Variants in IP6K1 observed in about 807,000 individuals in gnomAD.
IP6K1 encodes ATP:1D-myo-inositol-hexakisphosphate phosphotransferase.
In IP6K1, 13 loss-of-function variants were observed where a neutral mutation model predicts 38.3. The observed-to-expected ratio is 0.34, with a 90% CI of 0.22 to 0.54. IP6K1 has a LOEUF of 0.54. IP6K1 is among the 20% of genes least tolerant of loss of function. IP6K1 has a pLI of 0.92. For missense variants in IP6K1, 397 were observed against 599.8 expected, an observed-to-expected ratio of 0.66 and a Z score of 3.53; for synonymous variants, 212 against 229.9, an observed-to-expected ratio of 0.92 and a Z score of 0.70.
chr3:49,742,885 T>C (rs963173092), intron 2 of IP6K1, among the ~76,000 whole-genome samples: 1 of 151,928 alleles, frequency 6.6e-6, no homozygotes, highest in East Asian at 1.9e-4. Flanking sequence ...AGTGAGACCC[T>C]GTCTCAAAAT....
At chr3:49,764,839 T>C (rs2080897090) in intron 1 of IP6K1, among the ~76,000 whole-genome samples, 1 of 150,016 alleles carries the variant, frequency 6.7e-6, no homozygotes, top group African/African-American at 2.5e-5. Context: ...CCTGCACCAC[T>C]GCACTATAGC....
chr3:49,780,306 T>TCACACACACACACACACACA (rs1405695613), intron 1 of IP6K1, among the ~76,000 whole-genome samples: 110 of 10,854 alleles, frequency 0.01, 1 homozygote, highest in African/African-American at 0.023. Flanking sequence ...TTATCATCTT[T>TCACACACACACACACACACA]CATACACACA....
intron 1 of IP6K1, among the ~76,000 whole-genome samples, chr3:49,778,323 C>T (rs113404331): frequency 7.2e-6 from 1 of 137,962 alleles, no homozygotes; most frequent in Non-Finnish European, 1.5e-5. Flanking sequence ...GAGACTCGGT[C>T]TCAAAAAAAA....
chr3:49,780,901 CCT>C (rs920295910), intron 1 of IP6K1, among the ~76,000 whole-genome samples: 7 of 152,092 alleles, frequency 4.6e-5, no homozygotes, highest in Admixed American at 3.9e-4. Flanking sequence ...CTTCTATTTC[CCT>C]GTTTAATTAC....
chr3:49,735,984 T>A (rs774725263), intron 3 of IP6K1, among the ~76,000 whole-genome samples: 1 of 152,170 alleles, frequency 6.6e-6, no homozygotes, highest in Non-Finnish European at 1.5e-5. Flanking sequence ...TGGTGTAATC[T>A]CAGCTCACTG....
chr3:49,778,746 C>T (rs769942008), intron 1 of IP6K1, among the ~76,000 whole-genome samples: 3 of 152,198 alleles, frequency 2.0e-5, no homozygotes, highest in Non-Finnish European at 4.4e-5. Context: ...CCATCTTAGA[C>T]TCCCCAGTAG....
chr3:49,731,027 C>G (rs1189253429), intron 4 of IP6K1, among the ~76,000 whole-genome samples: 1 of 151,666 alleles, frequency 6.6e-6, no homozygotes, highest in Non-Finnish European at 1.5e-5. Context: ...CCATTTGTCA[C>G]TCAATTTGAA....
chr3:49,784,385 G>A (rs1341299460), intron 1 of IP6K1, among the ~76,000 whole-genome samples: 1 of 152,068 alleles, frequency 6.6e-6, no homozygotes, highest in Non-Finnish European at 1.5e-5. Context: ...AGTGGCTCAC[G>A]CCTGTAATCC....
intron 2 of IP6K1, among the ~76,000 whole-genome samples, chr3:49,746,395 G>C (rs2080720869): frequency 1.3e-5 from 2 of 148,600 alleles, no homozygotes. Flanking sequence ...AAGTGGGCCA[G>C]GCACGGTGGC....
At chr3:49,734,402 T>C (rs935935401) in intron 3 of IP6K1, among the ~76,000 whole-genome samples, 18 of 141,748 alleles carry the variant, frequency 1.3e-4, no homozygotes, top group South Asian at 7.0e-4. Context: ...TTCTTTTTTT[T>C]TTTTTTTTTT....
chr3:49,732,559 A>G (rs2080571793), intron 4 of IP6K1, among the ~76,000 whole-genome samples: 3 of 152,272 alleles, frequency 2.0e-5, no homozygotes, highest in Admixed American at 2.0e-4. Flanking sequence ...AGACAGTTCT[A>G]TCAGACAACA....
chr3:49,743,978 A>G (rs929203506), intron 2 of IP6K1, among the ~76,000 whole-genome samples: 27 of 152,204 alleles, frequency 1.8e-4, no homozygotes, highest in African/African-American at 6.5e-4. Context: ...ATGCGCCACA[A>G]TTATTACTGT....
At chr3:49,782,538 C>T (rs953685213) in intron 1 of IP6K1, among the ~76,000 whole-genome samples, 8 of 152,120 alleles carry the variant, frequency 5.3e-5, no homozygotes, top group Non-Finnish European at 8.8e-5. Context: ...AAGCCAGGCA[C>T]AGTGGCTCAT....
intron 1 of IP6K1, among the ~76,000 whole-genome samples, chr3:49,748,563 A>G (rs1252521853): frequency 6.6e-6 from 1 of 152,202 alleles, no homozygotes; most frequent in Non-Finnish European, 1.5e-5. Flanking sequence ...ACTCCTTAGG[A>G]TATCCAGTAC....
At chr3:49,749,834 T>C (rs1472585536) in intron 1 of IP6K1, among the ~76,000 whole-genome samples, 4 of 149,886 alleles carry the variant, frequency 2.7e-5, no homozygotes, top group Non-Finnish European at 3.0e-5. Flanking sequence ...ACACTTCTTT[T>C]TTTTTTTTTT....
chr3:49,729,963 G>A (rs1008435318), intron 4 of IP6K1, among the ~76,000 whole-genome samples: 9 of 152,030 alleles, frequency 5.9e-5, no homozygotes, highest in Non-Finnish European at 1.2e-4. Flanking sequence ...TGCAATCTCA[G>A]CTCATTGCAA....
intron 2 of IP6K1, among the ~76,000 whole-genome samples, chr3:49,742,350 C>T (rs940291236): frequency 6.6e-6 from 1 of 151,630 alleles, no homozygotes; most frequent in Non-Finnish European, 1.5e-5. Flanking sequence ...GAGATTGAGA[C>T]CATCCTGGCT....
intron 1 of IP6K1, among the ~76,000 whole-genome samples, chr3:49,760,618 C>G (rs534306882): frequency 3.8e-5 from 4 of 104,298 alleles, no homozygotes; most frequent in African/African-American, 1.7e-4. Context: ...AGTGAGACTT[C>G]GTCTCAAAAA....
intron 1 of IP6K1, among the ~76,000 whole-genome samples, chr3:49,780,597 A>G (rs922853637): frequency 2.0e-5 from 3 of 152,162 alleles, no homozygotes; most frequent in African/African-American, 4.8e-5. Flanking sequence ...CATTTACAGC[A>G]GCCCAAGGAG....
Sources: allele counts gnomAD v4.1 joint callset (sites outside exome capture counted in the v4.1 genomes callset), GRCh38; gene constraint gnomAD v4.1.1; transcripts MANE v1.5; gene names NCBI Gene and HGNC (gene_info 2026-07-23, HGNC 2026-07-21).